COL5A3: variants seen among roughly 807,000 people sequenced by gnomAD.
The protein encoded by COL5A3 is collagen alpha-3(V) chain.
In COL5A3, 172 loss-of-function variants were observed where a neutral mutation model predicts 250.0. That is an observed-to-expected ratio of 0.69 (90% CI 0.61 to 0.78). COL5A3 has a LOEUF of 0.78. COL5A3 is among the 30% of genes least tolerant of loss of function. COL5A3 has a pLI of 0.00. For missense variants in COL5A3, 2,340 were observed against 2,334.4 expected (o/e 1.00, Z -0.05); for synonymous variants, 937 against 900.4 (o/e 1.04, Z -0.73).
At chr19:9,979,741 G>T in intron 37 of COL5A3, 98 bp downstream of exon 37, 1 of 1,150,344 alleles carries the variant, frequency 8.7e-7, no homozygotes, top group Non-Finnish European at 1.2e-6. Context: ...AGCCGAGATT[G>T]CCCCACTGCA....
At chr19:10,010,222 CCCCCTCCA>C in intron 1 of COL5A3, 68 bp downstream of exon 1, 4 of 1,077,442 alleles carry the variant, frequency 3.7e-6, no homozygotes, top group Non-Finnish European at 4.9e-6. Context: ...GCCCCTCCAC[CCCCCTCCA>C]CCCCTCGCTC....
At chr19:9,998,929 C>A (rs950931802) in intron 8 of COL5A3, among the ~76,000 whole-genome samples, 5 of 152,100 alleles carry the variant, frequency 3.3e-5, no homozygotes, top group Non-Finnish European at 5.9e-5. Context: ...GGTGATCCAC[C>A]CGCCTCATCC....
In COL5A3 at chr19:9,979,567, G is replaced by A. The variant is rs902542426; in HGVS notation, c.2713-150C>T. 12 of 808,794 alleles carry A rather than the reference G, an allele frequency of 1.5e-5. No individual in the cohort carries two copies. The African/African-American group carries it at 1.7e-4, about 11-fold the overall frequency. The allele number at this position is 808,794 out of a possible 1,614,324, so 50.1% of individuals were successfully genotyped here. A position where few individuals can be genotyped will look rare whatever the true frequency, so the allele number is the denominator to read the frequency against. On this transcript the variant is annotated intron_variant, in intron 37 of 66. Coordinates refer to ENST00000264828, the MANE Select transcript of COL5A3 (RefSeq NM_015719.4). ...CACTTTGGGAGGCAGAGGCAGGTGGGTCACTTGAAGCCAGGAGTTTGAGAG... is the reference window on the plus strand; with the variant it reads ...CACTTTGGGAGGCAGAGGCAGGTGGATCACTTGAAGCCAGGAGTTTGAGAG...
At chr19:10,000,351 C>A (rs557373498) in intron 8 of COL5A3, among the ~76,000 whole-genome samples, 6 of 152,170 alleles carry the variant, frequency 3.9e-5, no homozygotes, top group African/African-American at 1.4e-4. Flanking sequence ...TGCGTCCCTC[C>A]CATCTTCCTC....
intron 64 of COL5A3, among the ~76,000 whole-genome samples, chr19:9,965,905 C>T (rs1489260010): frequency 1.3e-5 from 2 of 152,192 alleles, no homozygotes; most frequent in African/African-American, 4.8e-5. Context: ...ACAATCTCGG[C>T]TCACACTAAC....
At position 10,001,684 on chromosome 19, in the gene COL5A3, G is replaced by C; in HGVS notation, c.964-14C>G. On this transcript the variant is annotated splice_polypyrimidine_tract_variant and intron_variant, in intron 7 of 66. Transcript: ENST00000264828. ...GTCCAAGCTCCTCTGAGAACGTTAG[G>C]AAAGACCAAAGTTTTCCCTGACCTC... 6.2e-7 allele frequency: 1 copy of C among 1,613,734 alleles called. No individual in the cohort carries two copies. The highest frequency in any genetic ancestry group is 8.5e-7 in the Non-Finnish European group (1 of 1,179,814).
intron 13 of COL5A3, 33 bp from the exon 14 acceptor site, chr19:9,996,295 T>C: frequency 6.4e-7 from 1 of 1,550,390 alleles, no homozygotes; most frequent in Non-Finnish European, 8.7e-7. Flanking sequence ...GCTTGGGGCC[T>C]CCCACAAGAC....
intron 50 of COL5A3, among the ~76,000 whole-genome samples, chr19:9,973,258 C>T (rs1025096049): frequency 1.4e-4 from 21 of 152,170 alleles, no homozygotes; most frequent in African/African-American, 5.1e-4. Flanking sequence ...AGCCCATGTG[C>T]TGCCCTTGAG....
intron 45 of COL5A3, among the ~76,000 whole-genome samples, chr19:9,975,416 T>C (rs933663595): frequency 2.0e-5 from 3 of 152,074 alleles, no homozygotes; most frequent in Non-Finnish European, 4.4e-5. Flanking sequence ...GTTAAGGTCA[T>C]GAGTAGAGTT....
chr19:9,961,757 A>G (rs1599522233), intron 65 of COL5A3, among the ~76,000 whole-genome samples: 1 of 151,868 alleles, frequency 6.6e-6, no homozygotes, highest in Non-Finnish European at 1.5e-5. Flanking sequence ...ACGGGGTTTC[A>G]CCATGTTAGC....
Position 9,969,879 on chromosome 19 carries a change from T to C in COL5A3, c.3980A>G (p.Lys1327Arg). The stretch of plus-strand genomic sequence containing the variant: ...GCCAGGGGGACTCACCTTGGCACCT[T>C]TCTCCCCTTCTCTGCCTTCTCGACC... ...HMGREGREGE[K>R]GAKGEPGPDG... The change falls in exon 55 of 67, where the codon AAA becomes AGA. Residue 1327 changes from lysine to arginine, a missense_variant. Around this residue, in one of 3 missense-constraint regions of COL5A3, gnomAD observed 1,179 missense variants for 1,162.6 expected, o/e 1.01. Transcript: ENST00000264828. 1.2e-6 allele frequency: 2 copies of C among 1,613,716 alleles called. No individual in the cohort carries two copies. Among genetic ancestry groups the C allele is most frequent in the Non-Finnish European group, 1.7e-6 (2 of 1,179,890 alleles).
At chr19:9,984,116 C>G (rs570758329) in intron 31 of COL5A3, among the ~76,000 whole-genome samples, 1 of 151,936 alleles carries the variant, frequency 6.6e-6, no homozygotes, top group Non-Finnish European at 1.5e-5. Flanking sequence ...CTCTGCTTCC[C>G]GGGCTCAAGC....
At chr19:9,969,426 G>A (rs755074845) in intron 56 of COL5A3, 24 bp from the exon 57 acceptor site, 7 of 1,606,030 alleles carry the variant, frequency 4.4e-6, no homozygotes, top group Non-Finnish European at 5.9e-6. Context: ...AGAACATGGG[G>A]TGGGCTGCAC....
rs539994090 is a variant in COL5A3, at chr19:9,997,265, T to A, written c.1263+106A>T. ...GAAGAGGTCAGTGCCAGCCCCGGGA[T>A]GGTGTTCCCGAGTGCCACACCCTCA... On this transcript the variant is annotated intron_variant, in intron 11 of 66. Transcript: ENST00000264828. 188 of 824,648 alleles carry A rather than the reference T, an allele frequency of 2.3e-4. 4 individuals carry two copies. In the South Asian group the frequency reaches 2.6e-3, roughly 12 times the overall value. 51.1% of individuals were successfully genotyped at this position (824,648 alleles called of 1,614,324 possible).
At position 10,006,577 on chromosome 19, in the gene COL5A3, C is replaced by T. The variant is rs1407037782; in HGVS notation, c.89-346G>A. 3.3e-5 allele frequency among the ~76,000 whole-genome samples: 5 copies of T among 152,272 alleles called. No individual in the cohort carries two copies. The South Asian group carries it at 8.3e-4, about 25-fold the overall frequency. ...CCCTCTCCCTGCTCTCCCGCGCAGG[C>T]TCCCTAGGGCTATATCCCAGGCCTG... On this transcript the variant is annotated intron_variant, in intron 1 of 66. Coordinates refer to ENST00000264828, the MANE Select transcript of COL5A3 (RefSeq NM_015719.4).
At chr19:9,971,295 T>C (rs2086842829) in intron 51 of COL5A3, 37 bp from the exon 52 acceptor site, 3 of 1,494,202 alleles carry the variant, frequency 2.0e-6, no homozygotes, top group Non-Finnish European at 2.7e-6. Context: ...CATCTCTGAA[T>C]TGTGGAGCAA....
At position 9,986,656 on chromosome 19, in the gene COL5A3, C is replaced by T. The variant is rs776797058; in HGVS notation, c.2191-50G>A. 2.5e-6 allele frequency: 4 copies of T among 1,613,594 alleles called. No homozygotes were observed. In the Admixed American group the frequency reaches 6.7e-5, roughly 27 times the overall value. On this transcript the variant is annotated intron_variant, in intron 28 of 66. Transcript: ENST00000264828. ...AAGTGAGGGCCTCGGGGAAGGGACA[C>T]AACCAGGACCCCATGATTGGGACTC...
Position 9,966,639 on chromosome 19 carries a change from C to T in COL5A3, c.4566G>A (p.Ser1522=). The T allele has an allele frequency of 1.3e-6, 2 of 1,538,288 alleles. No individual in the cohort carries two copies. Among genetic ancestry groups the T allele is most frequent in the Non-Finnish European group, 1.7e-6 (2 of 1,147,062 alleles). The part of the protein sequence containing the change: ...GLEEVLASLT[S]LSLELEQLRR... ...GCAGCTGCTCCAGCTCCAAGCTCAG[C>T]GATGTGAGCGAGGCCAGCACCTCCT... The change falls in exon 63 of 67, where the codon TCG becomes TCA. Residue 1522 remains serine, a synonymous_variant. Transcript: ENST00000264828.
chr19:9,997,992 C>T lies in COL5A3; in HGVS notation c.1192G>A (p.Gly398Arg). Residue 398 changes from glycine to arginine, a missense_variant, in exon 10 of 67, where the codon GGA becomes AGA. Transcript: ENST00000264828. The part of the protein sequence containing the change: ...QQFEGPPGAP[G>R]PQGVVGPSGP... ...ACACAGCCATGACTTACTTGGGGTC[C>T]TGGGGCTCCTGGAGGTCCCTCAAAC... is the stretch of plus-strand genomic sequence containing the variant. 6 of 1,614,092 alleles carry T rather than the reference C, an allele frequency of 3.7e-6. No homozygotes were observed. Among genetic ancestry groups the T allele is most frequent in the Non-Finnish European group, 5.1e-6 (6 of 1,180,008 alleles).
Sources: gnomAD v4.1 joint callset for allele counts (sites outside exome capture counted in the v4.1 genomes callset) on GRCh38, gnomAD v4.1.1 for gene constraint, gnomAD v4.1.1 regional missense constraint, MANE v1.5 for transcripts, NCBI Gene and HGNC (gene_info 2026-07-23, HGNC 2026-07-21) for gene names.